Variants in NTM observed in about 807,000 individuals in gnomAD.
NTM encodes the protein IgLON family member 2.
NTM carries 13 observed loss-of-function variants against 42.1 expected under a neutral mutation model. That is an observed-to-expected ratio of 0.31 (90% confidence interval 0.20 to 0.49). NTM has a LOEUF of 0.49. Ranked by LOEUF, NTM falls within the 20% of genes least tolerant of loss-of-function variation. The pLI is 0.99. For missense variants in NTM, 373 were observed against 452.8 expected (o/e 0.82, Z 1.60); for synonymous variants, 187 against 179.2 (o/e 1.04, Z -0.35).
chr11:131,952,412 C>T (rs1028001228), intron 2 of NTM, among the ~76,000 whole-genome samples: 14 of 152,314 alleles, frequency 9.2e-5, no homozygotes, highest in African/African-American at 3.1e-4. Context: ...CATATATGTA[C>T]ATGCACGTAT....
At chr11:132,269,946 A>G (rs1591644282) in intron 4 of NTM, among the ~76,000 whole-genome samples, 1 of 152,222 alleles carries the variant, frequency 6.6e-6, no homozygotes, top group South Asian at 2.1e-4. Flanking sequence ...GACAAATTGT[A>G]TACAGTCAGG....
At chr11:131,422,071 A>G (rs1037587516) in intron 1 of NTM, among the ~76,000 whole-genome samples, 5 of 152,202 alleles carry the variant, frequency 3.3e-5, no homozygotes, top group African/African-American at 9.6e-5. Flanking sequence ...TTTTGTCCAC[A>G]ACGTAGTTAA....
chr11:132,265,545 A>G (rs1192180378), intron 4 of NTM, among the ~76,000 whole-genome samples: 1 of 152,158 alleles, frequency 6.6e-6, no homozygotes, highest in Admixed American at 6.5e-5. Flanking sequence ...TTGCATAAAA[A>G]CCAGCACTGA....
intron 4 of NTM, among the ~76,000 whole-genome samples, chr11:132,260,317 C>T (rs2092770567): frequency 6.6e-6 from 1 of 151,774 alleles, no homozygotes; most frequent in Non-Finnish European, 1.5e-5. Flanking sequence ...TTCTCAAAGT[C>T]ACACAGCTAA....
At chr11:131,469,474 G>A (rs1952215083) in intron 1 of NTM, among the ~76,000 whole-genome samples, 1 of 152,218 alleles carries the variant, frequency 6.6e-6, no homozygotes, top group African/African-American at 2.4e-5. Context: ...TGAGCTCAAA[G>A]TCTTGTCCAC....
At chr11:131,637,564 G>C (rs184561727) in intron 1 of NTM, among the ~76,000 whole-genome samples, 7 of 151,286 alleles carry the variant, frequency 4.6e-5, no homozygotes, top group African/African-American at 1.7e-4. Flanking sequence ...CTGCTTGTGA[G>C]TGAAGCCTGG....
At chr11:132,274,340 A>G (rs2093625766) in intron 4 of NTM, among the ~76,000 whole-genome samples, 1 of 151,952 alleles carries the variant, frequency 6.6e-6, no homozygotes, top group Non-Finnish European at 1.5e-5. Context: ...TTTTAATATT[A>G]TAGACATTTA....
In NTM at chr11:131,864,336, G is replaced by T. The variant is rs562738028; in HGVS notation, c.83-47228G>T. On this transcript the variant is annotated intron_variant, in intron 1 of 8. Transcript: ENST00000683400. ...CTGGTCAGTCCCTGGAGCTTGTCAT[G>T]TGACAGCAGGATTCTCCTGCTGCTG... is the stretch of plus-strand genomic sequence containing the variant. 2.0e-5 allele frequency among the ~76,000 whole-genome samples: 3 copies of T among 152,334 alleles called. No individual in the cohort carries two copies. The East Asian group carries it at 5.8e-4, about 29-fold the overall frequency.
intron 1 of NTM, among the ~76,000 whole-genome samples, chr11:131,636,418 C>G (rs1302528455): frequency 6.6e-6 from 1 of 152,190 alleles, no homozygotes; most frequent in Non-Finnish European, 1.5e-5. Flanking sequence ...CCCTCGGAAA[C>G]CAAATGAGCT....
At chr11:131,861,070 G>A (rs2046583605) in intron 1 of NTM, among the ~76,000 whole-genome samples, 1 of 152,102 alleles carries the variant, frequency 6.6e-6, no homozygotes, top group Non-Finnish European at 1.5e-5. Context: ...TGGCTTTCTG[G>A]CTTTCCCATG....
rs1290367963 is a variant in NTM at position 131,789,622 on chromosome 11, GA to G, written c.83-121940del. 1.2e-4 allele frequency among the ~76,000 whole-genome samples: 10 copies of G among 85,648 alleles called. 3 individuals are homozygous for G. Among genetic ancestry groups the G allele is most frequent in the South Asian group, 3.2e-4 (1 of 3,080 alleles). The allele number at this position is 85,648 out of a possible 152,430, so 56.2% of individuals were successfully genotyped here. On this transcript the variant is annotated intron_variant, in intron 1 of 8. Transcript: ENST00000683400. ...AGAAGAAGAAGAAGAAGAAGAAGAA[GA>G]AGAAGAAGAAGAAAAGAAGAAGAAG...
rs148361776 is a variant in NTM at position 131,886,767 on chromosome 11, G to A, written c.83-24797G>A. ...GATGACAGAGCCAAGCTTTGCTAAC[G>A]ATGTTTCTGTGCTTTTTAGCAGGGA... is the stretch of plus-strand genomic sequence containing the variant. On this transcript the variant is annotated intron_variant, in intron 1 of 8. Transcript: ENST00000683400. Among the ~76,000 whole-genome samples the A allele has an allele frequency of 1.1e-3, 165 of 152,300 alleles. 1 individual carries two copies. The highest frequency in any genetic ancestry group is 3.8e-3 in the African/African-American group (160 of 41,572).
intron 1 of NTM, among the ~76,000 whole-genome samples, chr11:131,720,386 T>C (rs1311948673): frequency 6.6e-6 from 1 of 152,198 alleles, no homozygotes; most frequent in African/African-American, 2.4e-5. Context: ...ATAATTAGTG[T>C]ATTCTGTGAG....
At chr11:131,870,111 CT>C (rs1233343885) in intron 1 of NTM, among the ~76,000 whole-genome samples, 2 of 152,122 alleles carry the variant, frequency 1.3e-5, no homozygotes, top group Non-Finnish European at 2.9e-5. Context: ...CGAGTCTTTG[CT>C]TTTATCGAGT....
At chr11:131,543,179 T>A (rs947266273) in intron 1 of NTM, among the ~76,000 whole-genome samples, 3 of 152,192 alleles carry the variant, frequency 2.0e-5, no homozygotes, top group African/African-American at 7.2e-5. Flanking sequence ...CCTCTCTACA[T>A]CAAGACCATG....
At chr11:131,998,029 C>T (rs1199701416) in intron 2 of NTM, among the ~76,000 whole-genome samples, 1 of 152,112 alleles carries the variant, frequency 6.6e-6, no homozygotes, top group African/African-American at 2.4e-5. Flanking sequence ...GCAACCCCTC[C>T]CACCCCATGG....
At chr11:131,724,346 T>G (rs1479620087) in intron 1 of NTM, among the ~76,000 whole-genome samples, 2 of 152,164 alleles carry the variant, frequency 1.3e-5, no homozygotes, top group African/African-American at 4.8e-5. Flanking sequence ...TCACAGCTGT[T>G]AATTACCAGA....
chr11:131,913,906 C>A (rs992471647), intron 2 of NTM, among the ~76,000 whole-genome samples: 5 of 152,146 alleles, frequency 3.3e-5, no homozygotes, highest in Admixed American at 3.3e-4. Context: ...GCGACACCAG[C>A]CCTTGACCAC....
In NTM at chr11:131,375,104, A is replaced by G. The variant is rs565726561; in HGVS notation, c.82+4216A>G. Among the ~76,000 whole-genome samples the G allele has an allele frequency of 2.6e-3, 394 of 152,270 alleles. 3 individuals are homozygous for G. Among genetic ancestry groups the G allele is most frequent in the African/African-American group, 8.8e-3 (367 of 41,552 alleles). ...GGTCTCCAGGTTTCAAGCCATTTCT[A>G]GTGGTCTGAACATAGCTCCATGGGG... On this transcript the variant is annotated intron_variant, in intron 1 of 8. Coordinates refer to ENST00000683400, the MANE Select transcript of NTM (RefSeq NM_001352005.2).
Sources: gnomAD v4.1 joint callset for allele counts (sites outside exome capture counted in the v4.1 genomes callset) on GRCh38, gnomAD v4.1.1 for gene constraint, MANE v1.5 for transcripts, NCBI Gene and HGNC (gene_info 2026-07-23, HGNC 2026-07-21) for gene names.